Variants in FHIT observed in about 807,000 individuals in gnomAD.
FHIT encodes the protein bis(5'-adenosyl)-triphosphatase.
Under a neutral mutation model 17.9 loss-of-function variants are expected in FHIT, and 19 were observed. That is an observed-to-expected ratio of 1.06 (90% CI 0.74 to 1.56). The LOEUF (loss-of-function observed/expected upper bound fraction) is 1.56. Ranked by LOEUF, FHIT falls within the 40% of genes most tolerant of loss-of-function variation. FHIT has a pLI of 0.00. For missense variants in FHIT, 248 were observed against 189.2 expected, an observed-to-expected ratio of 1.31 and a Z score of -1.82; for synonymous variants, 81 against 69.7, an observed-to-expected ratio of 1.16 and a Z score of -0.81.
At chr3:60,256,281 T>C (rs943399976) in intron 5 of FHIT, among the ~76,000 whole-genome samples, 11 of 152,214 alleles carry the variant, frequency 7.2e-5, no homozygotes, top group South Asian at 2.1e-4. Flanking sequence ...CATTGCAGCA[T>C]TGGATATCTC....
At chr3:60,521,482 C>T (rs561825745) in intron 5 of FHIT, among the ~76,000 whole-genome samples, 9 of 152,202 alleles carry the variant, frequency 5.9e-5, no homozygotes, top group South Asian at 4.2e-4. Flanking sequence ...CTGCTGACTT[C>T]GTGATCCGCC....
chr3:60,093,708 A>G (rs1559625611), intron 5 of FHIT, among the ~76,000 whole-genome samples: 1 of 152,206 alleles, frequency 6.6e-6, no homozygotes, highest in Non-Finnish European at 1.5e-5. Context: ...CCTACTATGA[A>G]CTGCACATGC....
At chr3:60,557,799 T>C (rs2036792664) in intron 4 of FHIT, among the ~76,000 whole-genome samples, 1 of 151,992 alleles carries the variant, frequency 6.6e-6, no homozygotes, top group Non-Finnish European at 1.5e-5. Context: ...TGTTGAAAAA[T>C]GCATTTTGAG....
At chr3:60,578,698 C>G (rs1299628511) in intron 4 of FHIT, among the ~76,000 whole-genome samples, 1 of 152,026 alleles carries the variant, frequency 6.6e-6, no homozygotes, top group East Asian at 1.9e-4. Context: ...ATAGCCATCT[C>G]TAAGGAGAAA....
chr3:59,990,565 T>C (rs577111645), intron 7 of FHIT, among the ~76,000 whole-genome samples: 2 of 152,166 alleles, frequency 1.3e-5, no homozygotes, highest in East Asian at 3.9e-4. Context: ...GGCTCCCTAA[T>C]TAGGGCATTT....
chr3:60,644,308 A>G (rs978166132), intron 4 of FHIT, among the ~76,000 whole-genome samples: 1 of 152,204 alleles, frequency 6.6e-6, no homozygotes. Flanking sequence ...TATCTCTAAT[A>G]TTAAAATGGG....
intron 4 of FHIT, among the ~76,000 whole-genome samples, chr3:60,767,005 G>A (rs1553721620): frequency 6.6e-6 from 1 of 152,130 alleles, no homozygotes; most frequent in East Asian, 1.9e-4. Flanking sequence ...AATGCGAAAT[G>A]ATTATATAAA....
chr3:60,782,561 G>A (rs1008581713), intron 4 of FHIT, among the ~76,000 whole-genome samples: 19 of 151,966 alleles, frequency 1.3e-4, no homozygotes, highest in Non-Finnish European at 2.1e-4. Flanking sequence ...CTTTTCTTTC[G>A]GCCCTTAAGT....
intron 2 of FHIT, among the ~76,000 whole-genome samples, chr3:61,177,523 A>G (rs762969100): frequency 1.3e-5 from 2 of 152,206 alleles, no homozygotes; most frequent in Non-Finnish European, 2.9e-5. Context: ...TGTATTTTCC[A>G]ATACCAAAAT....
intron 5 of FHIT, among the ~76,000 whole-genome samples, chr3:60,328,526 A>T (rs1709813377): frequency 6.6e-6 from 1 of 152,130 alleles, no homozygotes; most frequent in African/African-American, 2.4e-5. Context: ...AACTAACAGG[A>T]GAACAGCATA....
At chr3:60,337,111 CA>C (rs1710281465) in intron 5 of FHIT, among the ~76,000 whole-genome samples, 1 of 152,138 alleles carries the variant, frequency 6.6e-6, no homozygotes, top group Non-Finnish European at 1.5e-5. Flanking sequence ...AGCTTGGCAA[CA>C]TTTATTCTTG....
At chr3:60,853,768 A>T (rs1479410561) in intron 3 of FHIT, among the ~76,000 whole-genome samples, 1 of 152,110 alleles carries the variant, frequency 6.6e-6, no homozygotes. Context: ...TGAAAGAAAC[A>T]TAAGTACTCT....
intron 4 of FHIT, among the ~76,000 whole-genome samples, chr3:60,815,771 G>A (rs1452930484): frequency 6.6e-6 from 1 of 152,006 alleles, no homozygotes; most frequent in Non-Finnish European, 1.5e-5. Flanking sequence ...TGTGAAATAT[G>A]GTAGAGTAGT....
At chr3:60,489,107 G>A (rs1378748687) in intron 5 of FHIT, among the ~76,000 whole-genome samples, 1 of 152,062 alleles carries the variant, frequency 6.6e-6, no homozygotes, top group African/African-American at 2.4e-5. Context: ...TTAATAAATA[G>A]CATTCATTAG....
At chr3:59,777,960 C>T (rs1233644167) in intron 8 of FHIT, among the ~76,000 whole-genome samples, 2 of 152,204 alleles carry the variant, frequency 1.3e-5, no homozygotes, top group African/African-American at 2.4e-5. Flanking sequence ...GAGGCCTTTT[C>T]TAACCCCTCT....
At chr3:60,421,030 C>CTT (rs33921357) in intron 5 of FHIT, among the ~76,000 whole-genome samples, 11 of 138,348 alleles carry the variant, frequency 8.0e-5, no homozygotes, top group East Asian at 2.1e-4. Context: ...TCTCCCACTA[C>CTT]TTTTTTTTTT....
At chr3:60,128,948 A>C (rs1480702815) in intron 5 of FHIT, among the ~76,000 whole-genome samples, 11 of 152,200 alleles carry the variant, frequency 7.2e-5, no homozygotes, top group African/African-American at 2.6e-4. Context: ...GTTTGTTTTT[A>C]ACAACGTAAT....
intron 5 of FHIT, among the ~76,000 whole-genome samples, chr3:60,081,739 T>A (rs553621265): frequency 6.6e-6 from 1 of 152,064 alleles, no homozygotes; most frequent in African/African-American, 2.4e-5. Context: ...GGTGTGTGAA[T>A]ATGTGTGTGT....
chr3:60,941,772 C>A (rs537571669), intron 3 of FHIT, among the ~76,000 whole-genome samples: 1 of 152,286 alleles, frequency 6.6e-6, no homozygotes. Flanking sequence ...GTCCTTCATA[C>A]CACACTGCTT....
Sources: allele counts gnomAD v4.1 joint callset (sites outside exome capture counted in the v4.1 genomes callset), GRCh38; gene constraint gnomAD v4.1.1; transcripts MANE v1.5; gene names NCBI Gene and HGNC (gene_info 2026-07-23, HGNC 2026-07-21).